The following DIAPH2 variants were observed in gnomAD, a reference collection of about 807,000 sequenced individuals.
DIAPH2 encodes the protein protein diaphanous homolog 2.
Under a neutral mutation model 92.7 loss-of-function variants are expected in DIAPH2, and 35 were observed. The ratio of observed to expected loss-of-function variants is 0.38; its 90% CI spans 0.29 to 0.50. DIAPH2 has a LOEUF of 0.50. Among genes scored for constraint, DIAPH2 ranks in the 20% least tolerant of loss-of-function variants. The pLI, the probability that DIAPH2 is intolerant of heterozygous loss-of-function variation, is 0.94. For synonymous variants in DIAPH2, 301 were observed against 280.4 expected, an observed-to-expected ratio of 1.07 and a Z score of -0.73; for missense variants, 701 against 819.5, an observed-to-expected ratio of 0.86 and a Z score of 1.77.
intron 26 of DIAPH2, among the ~76,000 whole-genome samples, chrX:97,443,875 T>TGCCAGAGAA (rs2070283821): frequency 8.9e-6 from 1 of 112,067 alleles, no homozygotes; most frequent in Non-Finnish European, 1.9e-5. Flanking sequence ...TCCTAAATAC[T>TGCCAGAGAA]GCCAGAGAAA....
chrX:96,970,085 G>A (rs2065918257), intron 17 of DIAPH2, among the ~76,000 whole-genome samples: 2 of 112,049 alleles, frequency 1.8e-5, no homozygotes, highest in Non-Finnish European at 3.8e-5. Flanking sequence ...TCTTGCCAGA[G>A]TAACTTTCTG....
At chrX:97,133,383 G>A (rs761218053) in intron 21 of DIAPH2, among the ~76,000 whole-genome samples, 243 of 111,273 alleles carry the variant, frequency 2.2e-3, no homozygotes, top group African/African-American at 7.7e-3. Context: ...CACCTCCCGG[G>A]TTCAAGTGAT....
chrX:97,174,474 T>C (rs771800147), intron 22 of DIAPH2, among the ~76,000 whole-genome samples: 1 of 111,978 alleles, frequency 8.9e-6, no homozygotes, highest in East Asian at 2.8e-4. Flanking sequence ...GCTTTATGAC[T>C]TTATTATGTG....
In DIAPH2 at chrX:96,987,085, A is replaced by G. The variant is rs1001519218; in HGVS notation, c.2050+21878A>G. Among the ~76,000 whole-genome samples the G allele has an allele frequency of 2.7e-5, 3 of 111,261 alleles. No homozygotes were observed. The Admixed American group carries it at 2.9e-4, about 11-fold the overall frequency. On this transcript the variant is annotated intron_variant, in intron 17 of 26. Coordinates refer to ENST00000324765, the MANE Select transcript of DIAPH2 (RefSeq NM_006729.5). ...ACTTTAGAAAATAGTCCTTTTGCCT[A>G]TTTCTTTCAGAAATACACACCTCCC...
At chrX:97,533,050 T>A (rs1246874844) in intron 26 of DIAPH2, 3 of 111,903 alleles carry the variant, frequency 2.7e-5, no homozygotes, top group African/African-American at 9.7e-5. Flanking sequence ...TATTTTTGAA[T>A]TTTGAACATA....
intron 23 of DIAPH2, among the ~76,000 whole-genome samples, chrX:97,281,909 G>A (rs773664105): frequency 3.6e-5 from 4 of 111,297 alleles, no homozygotes; most frequent in South Asian, 7.5e-4. Flanking sequence ...AATAAATAGC[G>A]TGAATAATAT....
chrX:97,107,150 A>G (rs910423545), intron 20 of DIAPH2, among the ~76,000 whole-genome samples: 1 of 111,737 alleles, frequency 8.9e-6, no homozygotes. Context: ...ATTCTCTACC[A>G]GTACATCATT....
intron 22 of DIAPH2, among the ~76,000 whole-genome samples, chrX:97,231,188 A>G (rs1282440572): frequency 9.3e-6 from 1 of 107,102 alleles, no homozygotes; most frequent in Non-Finnish European, 1.9e-5. Flanking sequence ...GTCTAAAGTA[A>G]TTGTTTACTG....
intron 26 of DIAPH2, among the ~76,000 whole-genome samples, chrX:97,561,086 G>A (rs4828090): frequency 2.6e-4 from 29 of 111,800 alleles, no homozygotes; most frequent in East Asian, 1.1e-3. Flanking sequence ...ATTGGATATC[G>A]CTTTGACCCC....
chrX:97,407,867 A>G (rs984133740), intron 25 of DIAPH2, among the ~76,000 whole-genome samples: 1 of 112,090 alleles, frequency 8.9e-6, no homozygotes, highest in African/African-American at 3.2e-5. Context: ...TGCAAAGGTC[A>G]AGTAGACACA....
intron 26 of DIAPH2, among the ~76,000 whole-genome samples, chrX:97,477,631 T>C (rs1028216818): frequency 2.6e-4 from 29 of 110,540 alleles, no homozygotes; most frequent in African/African-American, 9.3e-4. Context: ...TCTATCTATA[T>C]ATATATATGT....
chrX:97,447,368 T>G (rs2070320942), intron 26 of DIAPH2, among the ~76,000 whole-genome samples: 2 of 110,732 alleles, frequency 1.8e-5, no homozygotes, highest in Admixed American at 1.9e-4. Flanking sequence ...AGTTCCAGCT[T>G]TAAGGTAGAT....
intron 22 of DIAPH2, among the ~76,000 whole-genome samples, chrX:97,145,117 G>A (rs943543750): frequency 1.8e-5 from 2 of 111,655 alleles, no homozygotes; most frequent in African/African-American, 6.5e-5. Context: ...TCTATAATTT[G>A]AGCTAATAAT....
chrX:96,939,789 C>T (rs1185339547), intron 12 of DIAPH2, among the ~76,000 whole-genome samples: 1 of 78,343 alleles, frequency 1.3e-5, no homozygotes, highest in Non-Finnish European at 2.4e-5. Context: ...CTCAGCCTCC[C>T]GTGTAGCTGG....
intron 26 of DIAPH2, among the ~76,000 whole-genome samples, chrX:97,589,988 T>TAA (rs1318999795): frequency 8.9e-6 from 1 of 112,450 alleles, no homozygotes; most frequent in East Asian, 2.8e-4. Flanking sequence ...CGACAGCTGT[T>TAA]AAAGTGTGTG....
At chrX:96,694,497 C>A (rs1019765633) in intron 1 of DIAPH2, among the ~76,000 whole-genome samples, 1 of 110,640 alleles carries the variant, frequency 9.0e-6, no homozygotes, top group Non-Finnish European at 1.9e-5. Flanking sequence ...TGCACCACCA[C>A]GCCCAGCTAA....
Position 97,327,807 on chromosome X carries a change from C to T in DIAPH2, c.2845-20309C>T, listed in dbSNP as rs1266292990. Among the ~76,000 whole-genome samples, 4 of 112,191 alleles carry T rather than the reference C, an allele frequency of 3.6e-5. No individual in the cohort carries two copies. In the South Asian group the frequency reaches 1.5e-3, roughly 41 times the overall value. On this transcript the variant is annotated intron_variant, in intron 23 of 26. Coordinates refer to ENST00000324765, the MANE Select transcript of DIAPH2 (RefSeq NM_006729.5). ...GCCAGGCTGGTCTCAAACTCCTGAC[C>T]TCAGATGATCTGCCCGTTTCTGCCT...
chrX:96,891,659 G>C (rs1483521208), intron 5 of DIAPH2, among the ~76,000 whole-genome samples: 1 of 112,282 alleles, frequency 8.9e-6, no homozygotes, highest in Non-Finnish European at 1.9e-5. Context: ...GACAAAAACA[G>C]CAAATATTGC....
intron 21 of DIAPH2, among the ~76,000 whole-genome samples, chrX:97,132,716 T>G (rs1026122864): frequency 1.8e-5 from 2 of 111,941 alleles, no homozygotes; most frequent in African/African-American, 6.5e-5. Context: ...AAGGAAGCCA[T>G]GATTAATGAA....
Sources: allele counts gnomAD v4.1 joint callset (sites outside exome capture counted in the v4.1 genomes callset), GRCh38; gene constraint gnomAD v4.1.1; transcripts MANE v1.5; gene names NCBI Gene and HGNC (gene_info 2026-07-23, HGNC 2026-07-21).